The following TRIP11 variants were observed in gnomAD, a reference collection of about 807,000 sequenced individuals.
TRIP11 encodes thyroid hormone receptor interactor 11.
Under a neutral mutation model 223.1 loss-of-function variants are expected in TRIP11, and 148 were observed. That is an observed-to-expected ratio of 0.66 (90% CI 0.58 to 0.76). The LOEUF (loss-of-function observed/expected upper bound fraction) is 0.76. TRIP11 is among the 30% of genes least tolerant of loss of function. TRIP11 has a pLI of 0.00. For synonymous variants in TRIP11, 762 were observed against 772.6 expected (o/e 0.99, Z 0.23); for missense variants, 2,043 against 2,222.0 (o/e 0.92, Z 1.62).
chr14:92,028,494 A>C (rs2057218148), intron 2 of TRIP11, among the ~76,000 whole-genome samples: 1 of 152,174 alleles, frequency 6.6e-6, no homozygotes, highest in African/African-American at 2.4e-5. Flanking sequence ...TCAAGGCTGC[A>C]GGGGAGCCAT....
chr14:92,038,707 A>G (rs189779548), intron 1 of TRIP11, among the ~76,000 whole-genome samples: 10 of 152,306 alleles, frequency 6.6e-5, no homozygotes, highest in African/African-American at 2.4e-4. Flanking sequence ...AGCAGCTCTC[A>G]CCCAAAAGAA....
intron 13 of TRIP11, among the ~76,000 whole-genome samples, chr14:91,998,008 C>T (rs534890444): frequency 5.9e-5 from 9 of 152,166 alleles, no homozygotes; most frequent in South Asian, 2.1e-4. Flanking sequence ...TTTTAATCCC[C>T]GTTTTAAACA....
At chr14:91,991,804 C>T (rs530817251) in intron 15 of TRIP11, among the ~76,000 whole-genome samples, 60 of 151,940 alleles carry the variant, frequency 3.9e-4, no homozygotes, top group African/African-American at 8.7e-4. Context: ...AAGTCTCAGC[C>T]GGGTGCGGTG....
At chr14:92,007,436 C>T (rs1177311295) in intron 10 of TRIP11, among the ~76,000 whole-genome samples, 1 of 152,234 alleles carries the variant, frequency 6.6e-6, no homozygotes, top group Admixed American at 6.5e-5. Flanking sequence ...CATGGTCACA[C>T]TCATTTGTTG....
At position 92,004,280 on chromosome 14, in the gene TRIP11, T is replaced by C. The variant is rs2056868345; in HGVS notation, c.3696A>G (p.Val1232=). 1.2e-6 allele frequency: 2 copies of C among 1,614,042 alleles called. No homozygotes were observed. The highest frequency in any genetic ancestry group is 1.7e-6 in the Non-Finnish European group (2 of 1,180,026). Residue 1232 remains valine (V), a synonymous_variant, in exon 11 of 21, where the codon GTA becomes GTG. Coordinates refer to ENST00000267622, the MANE Select transcript of TRIP11 (RefSeq NM_004239.4). ...EEWKQQVMTT[V]QNMQHESAQL... is the part of the protein sequence containing the mutation. Reference sequence around the variant, plus strand: ...GGGCTGACTCGTGTTGCATATTTTGTACTGTGGTCATCACCTGCTGCTTCC... The same window carrying C: ...GGGCTGACTCGTGTTGCATATTTTGCACTGTGGTCATCACCTGCTGCTTCC...
intron 9 of TRIP11, among the ~76,000 whole-genome samples, chr14:92,008,562 C>T (rs1053577324): frequency 6.6e-6 from 1 of 152,152 alleles, no homozygotes; most frequent in African/African-American, 2.4e-5. Context: ...AATGCTTTCT[C>T]CAAAATCTCA....
rs1333846411 is a variant in TRIP11 at position 92,005,068 on chromosome 14, T to C, written c.2908A>G (p.Lys970Glu). The C allele has an allele frequency of 1.2e-6, 2 of 1,614,034 alleles. No individual in the cohort carries two copies. The highest frequency in any genetic ancestry group is 2.2e-5 in the South Asian group (2 of 91,086). The change falls in exon 11 of 21, where the codon AAA becomes GAA. Residue 970 changes from lysine (K) to glutamate (E), a missense_variant. Lys to Glu is a moderately conservative substitution (Grantham distance 56). Coordinates refer to ENST00000267622, the MANE Select transcript of TRIP11 (RefSeq NM_004239.4). ...EKDEEIKSLQKTIEQIKTQLH... is the reference protein window; with the variant it reads ...EKDEEIKSLQETIEQIKTQLH... ...TGGGTTTTGATTTGTTCAATTGTTT[T>C]TTGCAAACTCTTAATTTCCTCATCC...
In TRIP11 at chr14:91,978,145, T is replaced by C. The variant is rs2056491720; in HGVS notation, c.5261-1956A>G. Reference sequence around the variant, plus strand: ...AGATTCCTAATGTGCACATGTATACTACTAGCACATGGTGTTATCTGGGCC... The same window carrying C: ...AGATTCCTAATGTGCACATGTATACCACTAGCACATGGTGTTATCTGGGCC... On this transcript the variant is annotated intron_variant, in intron 16 of 20. Transcript: ENST00000267622. This position sits in a 1 kb window ranked among gnomAD's most constrained non-coding sequence, Gnocchi z 4.4. Among the ~76,000 whole-genome samples, 1 of 152,186 alleles carries C rather than the reference T, an allele frequency of 6.6e-6. No homozygotes were observed. Among genetic ancestry groups the C allele is most frequent in the South Asian group, 2.1e-4 (1 of 4,826 alleles).
intron 2 of TRIP11, among the ~76,000 whole-genome samples, chr14:92,029,114 A>G (rs2057226904): frequency 1.3e-5 from 2 of 152,118 alleles, no homozygotes; most frequent in Non-Finnish European, 1.5e-5. Context: ...ATCTTAAAAC[A>G]TTTGGCTCTT....
At chr14:92,000,946 C>T (rs747641179) in intron 11 of TRIP11, among the ~76,000 whole-genome samples, 4 of 151,554 alleles carry the variant, frequency 2.6e-5, no homozygotes, top group East Asian at 1.9e-4. Context: ...CTGCAACCTC[C>T]GCCTCCTGGG....
At chr14:91,981,568 T>G (rs2056545796) in intron 16 of TRIP11, among the ~76,000 whole-genome samples, 2 of 151,824 alleles carry the variant, frequency 1.3e-5, no homozygotes, top group Non-Finnish European at 1.5e-5. Flanking sequence ...TTTTTTTGTA[T>G]TTTTAGTAGA....
At chr14:91,999,939 T>C (rs1375326345) in intron 12 of TRIP11, 29 bp downstream of exon 12, 1 of 1,612,790 alleles carries the variant, frequency 6.2e-7, no homozygotes, top group East Asian at 2.2e-5. Flanking sequence ...TATTGTTTGA[T>C]TCATAATTCT....
chr14:92,023,879 G>A (rs1332225402), intron 3 of TRIP11, among the ~76,000 whole-genome samples: 4 of 148,058 alleles, frequency 2.7e-5, no homozygotes, highest in East Asian at 4.0e-4. Flanking sequence ...TTTTTGAGAC[G>A]GAGTCTCGTT....
chr14:91,993,448 C>T (rs2056705937), intron 15 of TRIP11, among the ~76,000 whole-genome samples: 1 of 143,244 alleles, frequency 7.0e-6, no homozygotes, highest in Non-Finnish European at 1.5e-5. Flanking sequence ...TGCACTCCAG[C>T]CTGGGTAACA....
chr14:92,017,628 T>C, intron 5 of TRIP11, 54 bp downstream of exon 5: 1 of 1,397,354 alleles, frequency 7.2e-7, no homozygotes, highest in Non-Finnish European at 1.0e-6. Context: ...CCTATGCTTT[T>C]AATAAGCAGA....
chr14:92,004,115 T>C lies in TRIP11; in HGVS notation c.3861A>G (p.Glu1287=). 1 of 1,614,228 alleles carries C rather than the reference T, an allele frequency of 6.2e-7. No individual in the cohort carries two copies. Among genetic ancestry groups the C allele is most frequent in the Non-Finnish European group, 8.5e-7 (1 of 1,180,030 alleles). ...NETKLKNFGQ[E]LAQVQHSIGQ... is the part of the protein sequence containing the mutation. ...CAATGCTGTGCTGAACTTGTGCTAATTCCTGCCCAAAATTTTTGAGTTTGG... is the reference window on the plus strand; with the variant it reads ...CAATGCTGTGCTGAACTTGTGCTAACTCCTGCCCAAAATTTTTGAGTTTGG... The change falls in exon 11 of 21, where the codon GAA becomes GAG. Residue 1287 remains glutamate, a synonymous_variant. Coordinates refer to ENST00000267622, the MANE Select transcript of TRIP11 (RefSeq NM_004239.4).
intron 16 of TRIP11, among the ~76,000 whole-genome samples, chr14:91,986,374 C>T (rs149778873): frequency 1.3e-5 from 2 of 152,138 alleles, no homozygotes; most frequent in African/African-American, 2.4e-5. Context: ...CATTATAGTA[C>T]TACTGGCTGA....
intron 11 of TRIP11, among the ~76,000 whole-genome samples, chr14:92,002,022 C>T (rs17127841): frequency 0.12 from 18,959 of 152,130 alleles, 1,312 homozygotes; most frequent in African/African-American, 0.18. Flanking sequence ...GTATCTTATG[C>T]CTGGCAGCAA....
intron 9 of TRIP11, among the ~76,000 whole-genome samples, chr14:92,008,132 C>A (rs1293836943): frequency 2.0e-5 from 3 of 152,070 alleles, no homozygotes; most frequent in African/African-American, 7.2e-5. Flanking sequence ...TTATAAAAAA[C>A]GTTCCCATTT....
Sources: allele counts gnomAD v4.1 joint callset (sites outside exome capture counted in the v4.1 genomes callset), GRCh38; gene constraint gnomAD v4.1.1; non-coding constraint Gnocchi (gnomAD v3.1); transcripts MANE v1.5; gene names NCBI Gene and HGNC (gene_info 2026-07-23, HGNC 2026-07-21).